Variants in RHOBTB1 observed in about 807,000 individuals in gnomAD.
RHOBTB1 encodes rho-related BTB domain-containing protein 1.
RHOBTB1 carries 40 observed loss-of-function variants against 71.6 expected under a neutral mutation model. That is an observed-to-expected ratio of 0.56 (90% CI 0.43 to 0.73). The LOEUF is 0.73. RHOBTB1 is among the 30% of genes least tolerant of loss of function. The probability of loss-of-function intolerance (pLI) is 0.00; values close to 1 mark genes in which losing one functional copy is unlikely to be tolerated. For synonymous variants in RHOBTB1, 319 were observed against 334.9 expected, an observed-to-expected ratio of 0.95 and a Z score of 0.52; for missense variants, 797 against 894.0, an observed-to-expected ratio of 0.89 and a Z score of 1.38.
At chr10:60,921,250 G>C (rs1384285024) in intron 2 of RHOBTB1, among the ~76,000 whole-genome samples, 1 of 152,100 alleles carries the variant, frequency 6.6e-6, no homozygotes, top group African/African-American at 2.4e-5. Flanking sequence ...GCCTGATCCT[G>C]ATTTGCTCTT....
upstream of RHOBTB1, among the ~76,000 whole-genome samples, chr10:60,945,955 G>A (rs778400667): frequency 1.3e-5 from 2 of 152,152 alleles, no homozygotes; most frequent in Admixed American, 6.5e-5. Flanking sequence ...CGAGGCGCGC[G>A]GATCACGAGG....
At chr10:60,934,276 C>T (rs1044756591) in intron 2 of RHOBTB1, among the ~76,000 whole-genome samples, 2 of 152,198 alleles carry the variant, frequency 1.3e-5, no homozygotes, top group Non-Finnish European at 2.9e-5. Flanking sequence ...CTGAAACCTT[C>T]TTTTCAGTCC....
At chr10:60,984,573 A>C (rs770076773) in intron 2 of RHOBTB1, among the ~76,000 whole-genome samples, 1 of 152,192 alleles carries the variant, frequency 6.6e-6, no homozygotes, top group Non-Finnish European at 1.5e-5. Context: ...TCAAATAAGC[A>C]ATTACTTTGG....
chr10:60,883,449 G>C (rs562588166), intron 7 of RHOBTB1, among the ~76,000 whole-genome samples: 19 of 152,284 alleles, frequency 1.2e-4, no homozygotes, highest in African/African-American at 4.3e-4. Context: ...GCATTCGTGA[G>C]GTCAGCTCTG....
intron 2 of RHOBTB1, among the ~76,000 whole-genome samples, chr10:60,962,508 T>G (rs931012331): frequency 3.9e-5 from 6 of 152,194 alleles, no homozygotes; most frequent in Non-Finnish European, 1.5e-5. Context: ...AAGTATGCTC[T>G]TTATACAAAA....
chr10:60,964,555 T>A (rs1212990322), intron 2 of RHOBTB1, among the ~76,000 whole-genome samples: 1 of 152,136 alleles, frequency 6.6e-6, no homozygotes, highest in Non-Finnish European at 1.5e-5. Flanking sequence ...GATAAAAATT[T>A]CTTTATTATG....
chr10:60,946,179 G>GAA (rs11344569), upstream of RHOBTB1, among the ~76,000 whole-genome samples: 1 of 143,916 alleles, frequency 6.9e-6, no homozygotes. Flanking sequence ...CTCCTTCTCA[G>GAA]AAAAAAAAAA....
chr10:61,000,802 G>A (rs1038919683), intron 1 of RHOBTB1, among the ~76,000 whole-genome samples: 11 of 152,124 alleles, frequency 7.2e-5, no homozygotes, highest in African/African-American at 2.7e-4. Context: ...GCAGGGCAAA[G>A]CAAGCCTCAA....
Position 60,920,944 on chromosome 10 carries a change from GTTTTTTTTTTGT to G in RHOBTB1, c.-10-9404_-10-9393del, listed in dbSNP as rs1294264920. ...AATGCTGGGATTACAGGACTGATTT[GTTTTTTTTTTGT>G]TTTTTTTTTTTTATGAGACAGTGTC... On this transcript the variant is annotated intron_variant, in intron 2 of 10. Transcript: ENST00000337910. Among the ~76,000 whole-genome samples the G allele has an allele frequency of 2.5e-5, 3 of 122,114 alleles. No individual in the cohort carries two copies. The Admixed American group carries it at 2.7e-4, about 11-fold the overall frequency. 80.1% of individuals were successfully genotyped at this position (122,114 alleles called of 152,430 possible). A position where few individuals can be genotyped will look rare whatever the true frequency, so the allele number is the denominator to read the frequency against.
Position 60,888,540 on chromosome 10 carries a change from C to T in RHOBTB1, c.1128G>A (p.Lys376=). ...TTTCCCTGTGCATGCCAATGAACCC[C>T]TTACTCCATCCGGTCAAAGTCTGTG... The part of the protein sequence containing the change: ...PETQTLTGWS[K]GFIGMHREMQ... The change falls in exon 6 of 11, where the codon AAG becomes AAA. Residue 376 remains lysine, a synonymous_variant. Coordinates refer to ENST00000337910, the MANE Select transcript of RHOBTB1 (RefSeq NM_014836.5). 2 of 1,614,188 alleles carry T rather than the reference C, an allele frequency of 1.2e-6. No individual in the cohort carries two copies. The highest frequency in any genetic ancestry group is 8.5e-7 in the Non-Finnish European group (1 of 1,180,026).
At chr10:60,906,736 T>G (rs752604681) in intron 4 of RHOBTB1, among the ~76,000 whole-genome samples, 1 of 152,230 alleles carries the variant, frequency 6.6e-6, no homozygotes, top group Non-Finnish European at 1.5e-5. Flanking sequence ...GTCAGCAACA[T>G]AGGCTTTATT....
Position 60,888,556 on chromosome 10 carries a change from A to G in RHOBTB1, c.1112T>C (p.Leu371Ser). The change falls in exon 6 of 11, where the codon TTG becomes TCG. Residue 371 changes from leucine (L) to serine (S), a missense_variant. This residue lies in a region of RHOBTB1 where 658 missense variants were observed against 681.5 expected (regional missense o/e 0.97). Transcript: ENST00000337910. ...AATGAACCCCTTACTCCATCCGGTC[A>G]AAGTCTGTGTCTCAGGAACTGCACC... The part of the protein sequence containing the change: ...AEGAVPETQT[L>S]TGWSKGFIGM... The G allele has an allele frequency of 3.7e-6, 6 of 1,614,186 alleles. No individual in the cohort carries two copies. Among genetic ancestry groups the G allele is most frequent in the Non-Finnish European group, 5.1e-6 (6 of 1,180,036 alleles).
chr10:60,863,230 T>G, the RHOBTB1 span, among the ~76,000 whole-genome samples: 1 of 152,226 alleles, frequency 6.6e-6, no homozygotes, highest in Non-Finnish European at 1.5e-5. Context: ...GGAAATTTAA[T>G]GAAGCCCTTT....
chr10:60,921,585 T>C (rs2083565820), intron 2 of RHOBTB1, among the ~76,000 whole-genome samples: 1 of 152,244 alleles, frequency 6.6e-6, no homozygotes, highest in Non-Finnish European at 1.5e-5. Context: ...CAGAAATTGT[T>C]ATTCATCTTT....
chr10:60,879,941 T>C (rs1457439899), intron 7 of RHOBTB1, among the ~76,000 whole-genome samples: 2 of 152,156 alleles, frequency 1.3e-5, no homozygotes, highest in Non-Finnish European at 2.9e-5. Context: ...TCTGAACATG[T>C]ACAGACTTTT....
At chr10:60,923,925 T>C (rs1412662920) in intron 2 of RHOBTB1, among the ~76,000 whole-genome samples, 1 of 152,152 alleles carries the variant, frequency 6.6e-6, no homozygotes, top group Non-Finnish European at 1.5e-5. Context: ...AATTACCCAG[T>C]CTTGGGTATA....
chr10:60,982,341 T>C (rs747672978), intron 2 of RHOBTB1, among the ~76,000 whole-genome samples: 1 of 152,162 alleles, frequency 6.6e-6, no homozygotes, highest in Non-Finnish European at 1.5e-5. Flanking sequence ...ACGGATACCA[T>C]TTAGGTGATG....
intron 2 of RHOBTB1, among the ~76,000 whole-genome samples, chr10:60,952,150 C>G (rs1418652139): frequency 6.7e-6 from 1 of 149,776 alleles, no homozygotes; most frequent in Non-Finnish European, 1.5e-5. Context: ...TATATAAAGG[C>G]CAGCTATATG....
At chr10:60,904,148 T>G (rs1023440743) in intron 4 of RHOBTB1, among the ~76,000 whole-genome samples, 1 of 152,106 alleles carries the variant, frequency 6.6e-6, no homozygotes, top group Non-Finnish European at 1.5e-5. Flanking sequence ...GGCTACACCA[T>G]GTTGGCCAGG....
Sources: allele counts gnomAD v4.1 joint callset (sites outside exome capture counted in the v4.1 genomes callset), GRCh38; gene constraint gnomAD v4.1.1; regional missense constraint gnomAD v4.1.1; transcripts MANE v1.5; gene names NCBI Gene and HGNC (gene_info 2026-07-23, HGNC 2026-07-21).